The following PHC3 variants were observed in gnomAD, a reference collection of about 807,000 sequenced individuals.
PHC3 encodes polyhomeotic homolog 3, also known as polyhomeotic-like protein 3.
In PHC3, 13 loss-of-function variants were observed where a neutral mutation model predicts 107.4. The ratio of observed to expected loss-of-function variants is 0.12; its 90% CI spans 0.08 to 0.19. The LOEUF (loss-of-function observed/expected upper bound fraction) is 0.19. Among genes scored for constraint, PHC3 ranks in the 10% least tolerant of loss-of-function variants. PHC3 has a pLI of 1.00. For synonymous variants in PHC3, 456 were observed against 427.4 expected, an observed-to-expected ratio of 1.07 and a Z score of -0.83; for missense variants, 992 against 1,210.9, an observed-to-expected ratio of 0.82 and a Z score of 2.68.
intron 9 of PHC3, among the ~76,000 whole-genome samples, chr3:170,118,732 T>A (rs1393465246): frequency 2.0e-5 from 3 of 152,040 alleles, no homozygotes; most frequent in Non-Finnish European, 4.4e-5. Flanking sequence ...TAAATTTTTT[T>A]AATGATTTTT....
At chr3:170,104,764 T>C (rs1210009162) in intron 12 of PHC3, among the ~76,000 whole-genome samples, 1 of 152,190 alleles carries the variant, frequency 6.6e-6, no homozygotes, top group Non-Finnish European at 1.5e-5. Flanking sequence ...AAAATATAAG[T>C]ATCTTGATAG....
rs543431288 is a variant in PHC3 at position 170,094,433 on chromosome 3, G to A, written c.*2797C>T. On this transcript the variant is annotated 3_prime_UTR_variant, in exon 15 of 15. Coordinates refer to ENST00000495893, the MANE Select transcript of PHC3 (RefSeq NM_024947.4). ...CAAACTTAGGTAGCAAAAGTAGGAA[G>A]AACCTCCATGTTCCCTTTCTGTTTG... 2.6e-5 allele frequency: 4 copies of A among 152,164 alleles called. No individual in the cohort carries two copies. The highest frequency in any genetic ancestry group is 5.9e-5 in the Non-Finnish European group (4 of 68,040). The allele number at this position is 152,164 out of a possible 1,614,324, so 9.4% of individuals were successfully genotyped here.
intron 11 of PHC3, among the ~76,000 whole-genome samples, chr3:170,110,326 T>C (rs541187914): frequency 4.6e-5 from 7 of 152,238 alleles, no homozygotes; most frequent in African/African-American, 1.7e-4. Flanking sequence ...AAACTCACTC[T>C]GCCAGTCATA....
intron 11 of PHC3, 72 bp from the exon 12 acceptor site, chr3:170,107,018 C>T (rs1716665105): frequency 1.8e-6 from 2 of 1,102,442 alleles, no homozygotes; most frequent in Non-Finnish European, 1.3e-6. Context: ...TAAGTCTATA[C>T]TTTGGTTGGA....
At chr3:170,130,548 A>G (rs1029256556) in intron 7 of PHC3, among the ~76,000 whole-genome samples, 1 of 152,218 alleles carries the variant, frequency 6.6e-6, no homozygotes, top group Non-Finnish European at 1.5e-5. Flanking sequence ...GGAAAACACT[A>G]GTTTTGCTTG....
intron 4 of PHC3, among the ~76,000 whole-genome samples, chr3:170,153,778 A>AT (rs983355325): frequency 6.6e-6 from 1 of 151,524 alleles, no homozygotes; most frequent in Non-Finnish European, 1.5e-5. Flanking sequence ...AAAAAAAAAA[A>AT]GAATCTTCTG....
intron 4 of PHC3, among the ~76,000 whole-genome samples, chr3:170,163,986 G>C (rs893847402): frequency 6.6e-6 from 1 of 152,028 alleles, no homozygotes; most frequent in African/African-American, 2.4e-5. Context: ...GACTGCTTGA[G>C]GCCAGGAGTT....
intron 12 of PHC3, among the ~76,000 whole-genome samples, 191 bp from the exon 13 acceptor site, chr3:170,103,125 T>A (rs1715798243): frequency 1.3e-5 from 2 of 152,206 alleles, no homozygotes; most frequent in African/African-American, 4.8e-5. Flanking sequence ...ACAGGCTCTG[T>A]GTATACCATA....
rs368102637 is a variant in PHC3 at position 170,181,702 on chromosome 3, T to A, written c.14A>T (p.Glu5Val). MAEA[E>V]FKDHSTAMDT... Reference sequence around the variant, plus strand: ...CATCAGTCACCATCTAGTCACTCACTCCGCTTCCGCCATCTTCTCTCCTCC... The same window carrying A: ...CATCAGTCACCATCTAGTCACTCACACCGCTTCCGCCATCTTCTCTCCTCC... The change falls in exon 1 of 15, where the codon GAA becomes GTA. Residue 5 changes from glutamate to valine, a missense_variant and splice_region_variant. Physicochemically the swap from Glu to Val is moderately radical, Grantham distance 121 (BLOSUM62 -2). Coordinates refer to ENST00000495893, the MANE Select transcript of PHC3 (RefSeq NM_024947.4). 1 of 1,613,004 alleles carries A rather than the reference T, an allele frequency of 6.2e-7. No homozygotes were observed. The highest frequency in any genetic ancestry group is 1.3e-5 in the African/African-American group (1 of 74,846).
At position 170,149,203 on chromosome 3, in the gene PHC3, G is replaced by A; in HGVS notation, c.456C>T (p.Ser152=). ...TGGTAGAACTGGAAGCCTGGGAACG[G>A]CTTATTAACTGTGCAGGTGTAGGAG... is the stretch of plus-strand genomic sequence containing the variant. ...STSPTPAQLI[S]RSQASSSTSG... Residue 152 remains serine (S), a synonymous_variant, in exon 5 of 15, where the codon AGC becomes AGT. Coordinates refer to ENST00000495893, the MANE Select transcript of PHC3 (RefSeq NM_024947.4). 6.2e-7 allele frequency: 1 copy of A among 1,613,072 alleles called. No individual in the cohort carries two copies. The highest frequency in any genetic ancestry group is 8.5e-7 in the Non-Finnish European group (1 of 1,179,788).
At chr3:170,121,977 G>T (rs1232435678) in intron 9 of PHC3, among the ~76,000 whole-genome samples, 6 of 152,154 alleles carry the variant, frequency 3.9e-5, no homozygotes, top group Non-Finnish European at 7.3e-5. Context: ...TCCAGGCTGG[G>T]CATGGTAGCT....
intron 4 of PHC3, among the ~76,000 whole-genome samples, chr3:170,164,293 A>C (rs1577233598): frequency 6.6e-6 from 1 of 152,276 alleles, no homozygotes; most frequent in East Asian, 1.9e-4. Flanking sequence ...AGTCACTTTT[A>C]CTCTATATAT....
In PHC3 at chr3:170,149,146, T is replaced by C. The variant is rs1725486635; in HGVS notation, c.513A>G (p.Leu171=). 1 of 1,613,248 alleles carries C rather than the reference T, an allele frequency of 6.2e-7. No individual in the cohort carries two copies. Among genetic ancestry groups the C allele is most frequent in the Admixed American group, 1.7e-5 (1 of 59,954 alleles). Residue 171 remains leucine (L), a synonymous_variant, in exon 5 of 15, where the codon CTA becomes CTG. Coordinates refer to ENST00000495893, the MANE Select transcript of PHC3 (RefSeq NM_024947.4). The stretch of plus-strand genomic sequence containing the variant: ...CCGTTAGGGTAGGGGAAGTACTCCC[T>C]AGTAACATAGTCTGTTGGGTAATAC... ...SGSITQQTML[L]GSTSPTLTAS...
chr3:170,093,194 G>C lies in PHC3; in HGVS notation c.*4036C>G, dbSNP rs571560625. On this transcript the variant is annotated 3_prime_UTR_variant, in exon 15 of 15. Transcript: ENST00000495893. ...GAACATGACTGTCAGGTATCAGAAAGTCCTGCCCCAGCTGCCTCCCTTCCT... is the reference window on the plus strand; with the variant it reads ...GAACATGACTGTCAGGTATCAGAAACTCCTGCCCCAGCTGCCTCCCTTCCT... 3 of 152,232 alleles carry C rather than the reference G, an allele frequency of 2.0e-5. No homozygotes were observed. The highest frequency in any genetic ancestry group is 4.4e-5 in the Non-Finnish European group (3 of 68,058). 9.4% of individuals were successfully genotyped at this position (152,232 alleles called of 1,614,324 possible). A position where few individuals can be genotyped will look rare whatever the true frequency, so the allele number is the denominator to read the frequency against.
chr3:170,170,601 A>G (rs1203404326), intron 4 of PHC3: 1 of 152,088 alleles, frequency 6.6e-6, no homozygotes, highest in Non-Finnish European at 1.5e-5. Context: ...AATACACATC[A>G]AAGTATTTAG....
intron 8 of PHC3, among the ~76,000 whole-genome samples, chr3:170,127,370 T>C (rs1721490685): frequency 2.0e-5 from 3 of 152,132 alleles, no homozygotes. Context: ...TTTCACCCTG[T>C]TTGCCAGGCT....
chr3:170,108,304 G>A (rs1342532861), intron 11 of PHC3, among the ~76,000 whole-genome samples: 1 of 152,134 alleles, frequency 6.6e-6, no homozygotes, highest in Non-Finnish European at 1.5e-5. Flanking sequence ...TGGGTGGCAT[G>A]TACTCAGTGA....
intron 4 of PHC3, among the ~76,000 whole-genome samples, chr3:170,162,896 T>C (rs1728115369): frequency 6.6e-6 from 1 of 152,186 alleles, no homozygotes; most frequent in African/African-American, 2.4e-5. Flanking sequence ...TCTGCCCTCC[T>C]CACCATTCTT....
chr3:170,102,539 G>C lies in PHC3; in HGVS notation c.2773C>G (p.Gln925Glu). The C allele has an allele frequency of 3.7e-6, 6 of 1,613,880 alleles. No homozygotes were observed. The highest frequency in any genetic ancestry group is 4.2e-6 in the Non-Finnish European group (5 of 1,179,840). Residue 925 changes from glutamine to glutamate, a missense_variant, in exon 14 of 15, where the codon CAA becomes GAA. Gln to Glu is a conservative substitution (Grantham distance 29). This residue lies in a region of PHC3 where 228 missense variants were observed against 288.8 expected (regional missense o/e 0.79). Transcript: ENST00000495893. ...ACTGTCCATATAGATGGCTCTGTTT[G>C]TGCAACTGGTAGCAAGTCACTGTTC... ...PENSDLLPVA[Q>E]TEPSIWTVDD...
Sources: allele counts gnomAD v4.1 joint callset (sites outside exome capture counted in the v4.1 genomes callset), GRCh38; gene constraint gnomAD v4.1.1; regional missense constraint gnomAD v4.1.1; transcripts MANE v1.5; gene names NCBI Gene and HGNC (gene_info 2026-07-23, HGNC 2026-07-21).